TTN: variants seen among roughly 807,000 people sequenced by gnomAD.
TTN encodes the protein titin.
A neutral mutation model predicts 3,223.0 loss-of-function variants in TTN; 1,525 were observed. The ratio of observed to expected loss-of-function variants is 0.47; its 90% confidence interval spans 0.45 to 0.49. TTN has a LOEUF of 0.49. Ranked by LOEUF, TTN falls within the 20% of genes least tolerant of loss-of-function variation. TTN has a pLI of 0.00. For missense variants in TTN, 40,786 were observed against 43,424.0 expected (o/e 0.94, Z 5.40); for synonymous variants, 14,094 against 15,161.0 (o/e 0.93, Z 5.17).
intron 282 of TTN, 87 bp downstream of exon 282, chr2:178,603,789 G>A: frequency 5.4e-6 from 7 of 1,288,742 alleles, no homozygotes; most frequent in East Asian, 5.1e-5. Flanking sequence ...ATTTGGCATA[G>A]AAAAATATAA....
rs796298969 is a variant in TTN, at chr2:178,560,052, C to T, written c.86080G>A (p.Asp28694Asn). The T allele has an allele frequency of 4.3e-6, 7 of 1,613,668 alleles. No individual in the cohort carries two copies. Among genetic ancestry groups the T allele is most frequent in the African/African-American group, 4.0e-5 (3 of 75,026 alleles). ...ATGGAAGTTTTCCAGTCAGTGTCAT[C>T]AGATTTTTTGTATTCTACAGTATAT... ...TGYTVEYKKS[D>N]DTDWKTSIQS... is the part of the protein sequence containing the mutation. The change falls in exon 326 of 363, where the codon GAT (aspartate) becomes AAT (asparagine). Residue 28694 changes from aspartate (D) to asparagine (N), a missense_variant. Asp to Asn is a conservative substitution (Grantham distance 23, BLOSUM62 1). Transcript: ENST00000589042.
At chr2:178,647,569 A>C in intron 213 of TTN, 105 bp from the exon 214 acceptor site, 20 of 1,045,234 alleles carry the variant, frequency 1.9e-5, no homozygotes, top group Non-Finnish European at 2.7e-5. Flanking sequence ...CTTAGATTTC[A>C]TGGGGAAAAT....
intron 23 of TTN, 46 bp from the exon 24 acceptor site, chr2:178,779,164 G>A (rs368388354): frequency 1.4e-5 from 23 of 1,612,638 alleles, no homozygotes; most frequent in Non-Finnish European, 1.9e-5. Context: ...ACATCAAATA[G>A]TTATATTTTA....
chr2:178,554,573 T>A lies in TTN; in HGVS notation c.88774A>T (p.Ile29592Phe). ...TTGATAATTTTGGTGGTTGTAATGA[T>A]GCACTCTTCCAAATGTTCAGACACC... ...SMVSEHLEECIITTTKIIKGN... is the reference protein window; with the variant it reads ...SMVSEHLEECFITTTKIIKGN... The change falls in exon 332 of 363, where the codon ATC (isoleucine) becomes TTC (phenylalanine). Residue 29592 changes from isoleucine (I) to phenylalanine (F), a missense_variant. Coordinates refer to ENST00000589042, the MANE Select transcript of TTN (RefSeq NM_001267550.2). 1.2e-6 allele frequency: 2 copies of A among 1,613,906 alleles called. No individual in the cohort carries two copies. Among genetic ancestry groups the A allele is most frequent in the Non-Finnish European group, 1.7e-6 (2 of 1,179,848 alleles).
Position 178,681,709 on chromosome 2 carries a change from CAGGCTTTACAGGGAT to C in TTN, c.33109_33123del (p.Ile11037_Pro11041del), listed in dbSNP as rs2069449409. 3 of 1,602,744 alleles carry C rather than the reference CAGGCTTTACAGGGAT, an allele frequency of 1.9e-6. No individual in the cohort carries two copies. Among genetic ancestry groups the C allele is most frequent in the Non-Finnish European group, 2.5e-6 (3 of 1,177,108 alleles). On this transcript the variant is annotated inframe_deletion, in exon 136 of 363. Coordinates refer to ENST00000589042, the MANE Select transcript of TTN (RefSeq NM_001267550.2). Reference sequence around the variant, plus strand: ...TTTGTGGGAACTGGTTCTTCTGGGACAGGCTTTACAGGGATAGGCTTCTCTGGTTCTTTAAAAGTA... The same window carrying C: ...TTTGTGGGAACTGGTTCTTCTGGGACAGGCTTCTCTGGTTCTTTAAAAGTA...
At position 178,640,526 on chromosome 2, in the gene TTN, A is replaced by G; in HGVS notation, c.40723+15T>C. The G allele has an allele frequency of 1.3e-6, 2 of 1,596,776 alleles. No homozygotes were observed. Among genetic ancestry groups the G allele is most frequent in the Non-Finnish European group, 1.7e-6 (2 of 1,170,340 alleles). Reference sequence around the variant, plus strand: ...GCATTTTTAGAGACAACTAAGAATGACAGTAGATTTGTACCTTTTGTTGGT... The same window carrying G: ...GCATTTTTAGAGACAACTAAGAATGGCAGTAGATTTGTACCTTTTGTTGGT... On this transcript the variant is annotated intron_variant, in intron 221 of 362. Coordinates refer to ENST00000589042, the MANE Select transcript of TTN (RefSeq NM_001267550.2).
At chr2:178,785,106 G>T (rs2093072412) in intron 15 of TTN, among the ~76,000 whole-genome samples, 1 of 152,106 alleles carries the variant, frequency 6.6e-6, no homozygotes, top group Non-Finnish European at 1.5e-5. Context: ...AGAAGATAGG[G>T]CACTAATCCA....
Position 178,605,115 on chromosome 2 carries a change from AC to A in TTN, c.54061del (p.Val18021TyrfsTer64), listed in dbSNP as rs772712408. The A allele has an allele frequency of 6.2e-7, 1 of 1,612,630 alleles. No individual in the cohort carries two copies. The highest frequency in any genetic ancestry group is 1.7e-5 in the Admixed American group (1 of 59,930). On this transcript the variant is annotated frameshift_variant, in exon 280 of 363. Coordinates refer to ENST00000589042, the MANE Select transcript of TTN (RefSeq NM_001267550.2). LOFTEE classifies it high-confidence loss of function. ...TDALQITKEE[V>X]SRSEAKTELS... is the part of the protein sequence containing the mutation. ...CTCAGTTTTTGCCTCACTTCGGGAT[AC>A]CTCTTCCTTGGTTATCTGAAGTGCA...
intron 47 of TTN, chr2:178,751,462 T>C (rs1451615300): frequency 6.2e-6 from 10 of 1,613,290 alleles, no homozygotes; most frequent in Non-Finnish European, 8.5e-6. Flanking sequence ...GTTCCACATC[T>C]TGTTTTTTGT....
chr2:178,546,637 A>G lies in TTN; in HGVS notation c.94791T>C (p.Ser31597=), dbSNP rs1468005890. 6.2e-7 allele frequency: 1 copy of G among 1,613,362 alleles called. No homozygotes were observed. The highest frequency in any genetic ancestry group is 1.1e-5 in the South Asian group (1 of 91,060). The part of the protein sequence containing the change: ...KNAAGVISKG[S]ESTGPVTCRD... Reference sequence around the variant, plus strand: ...GGCAAGTGACAGGGCCTGTAGATTCAGACCCTTTGCTAATTACGCCTGCTG... The same window carrying G: ...GGCAAGTGACAGGGCCTGTAGATTCGGACCCTTTGCTAATTACGCCTGCTG... The change falls in exon 341 of 363, where the codon TCT becomes TCC. Residue 31597 remains serine, a synonymous_variant. Coordinates refer to ENST00000589042, the MANE Select transcript of TTN (RefSeq NM_001267550.2).
chr2:178,640,069 G>C lies in TTN; in HGVS notation c.40765C>G (p.Pro13589Ala). 1 of 1,612,206 alleles carries C rather than the reference G, an allele frequency of 6.2e-7. No individual in the cohort carries two copies. The highest frequency in any genetic ancestry group is 8.5e-7 in the Non-Finnish European group (1 of 1,178,752). ...TCACCTGCTTCGGGCTTTGGTTTCG[G>C]TTCAGGTGCAGGGAGAGGTATTGCT... is the stretch of plus-strand genomic sequence containing the variant. ...KPAIPLPAPE[P>A]KPKPEAEVKT... The change falls in exon 222 of 363, where the codon CCG becomes GCG. Residue 13589 changes from proline to alanine, a missense_variant. Pro to Ala is a conservative substitution (Grantham distance 27). Transcript: ENST00000589042.
chr2:178,706,734 T>G lies in TTN; in HGVS notation c.29140A>C (p.Thr9714Pro). The change falls in exon 102 of 363, where the codon ACT becomes CCT. Residue 9714 changes from threonine (T) to proline (P), a missense_variant. Coordinates refer to ENST00000589042, the MANE Select transcript of TTN (RefSeq NM_001267550.2). ...CCAACTTTTGCAATGAAGGTCGCAG[T>G]GGTTTCTAAGGAATAATGAAAACAA... ...PQSIRVVEKT[T>P]ATFIAKVGGD... 1 of 1,607,754 alleles carries G rather than the reference T, an allele frequency of 6.2e-7. No homozygotes were observed. The highest frequency in any genetic ancestry group is 8.5e-7 in the Non-Finnish European group (1 of 1,176,772).
rs1703451641 is a variant in TTN at position 178,561,026 on chromosome 2, A to T, written c.85106T>A (p.Val28369Asp). The T allele has an allele frequency of 1.2e-6, 2 of 1,613,752 alleles. No individual in the cohort carries two copies. Among genetic ancestry groups the T allele is most frequent in the Non-Finnish European group, 1.7e-6 (2 of 1,179,804 alleles). ...TATCTTAAGGACCTCTCCAGCTTTGACAACAATAACGTCTCGGAACTTGAC... is the reference window on the plus strand; with the variant it reads ...TATCTTAAGGACCTCTCCAGCTTTGTCAACAATAACGTCTCGGAACTTGAC... The part of the protein sequence containing the change: ...MDVKFRDVIV[V>D]KAGEVLKINA... The change falls in exon 326 of 363, where the codon GTC becomes GAC. Residue 28369 changes from valine to aspartate, a missense_variant. Val to Asp is a radical substitution (Grantham distance 152, BLOSUM62 -3). Coordinates refer to ENST00000589042, the MANE Select transcript of TTN (RefSeq NM_001267550.2).
chr2:178,683,737 G>A (rs1362028714), intron 133 of TTN, among the ~76,000 whole-genome samples: 1 of 151,960 alleles, frequency 6.6e-6, no homozygotes, highest in East Asian at 1.9e-4. Context: ...GATGAGTTTA[G>A]TATATGGAAA....
intron 217 of TTN, 158 bp downstream of exon 217, chr2:178,645,762 T>G: frequency 2.4e-6 from 1 of 421,198 alleles, no homozygotes; most frequent in South Asian, 6.5e-5. Context: ...CCAGGAACCA[T>G]GGGGCAGCAG....
rs1057523995 is a variant in TTN, at chr2:178,605,565, T to C, written c.53730A>G (p.Glu17910=). ...EKRRHDKPDF[E]RVNKRLCPTT... ...TTGGGCAGAGTCGCTTGTTAACTCT[T>C]TCAAAGTCAGGTTTGTCATGACGCC... The change falls in exon 279 of 363, where the codon GAA becomes GAG. Residue 17910 remains glutamate (E), a synonymous_variant. Coordinates refer to ENST00000589042, the MANE Select transcript of TTN (RefSeq NM_001267550.2). 6.2e-7 allele frequency: 1 copy of C among 1,612,320 alleles called. No individual in the cohort carries two copies. Among genetic ancestry groups the C allele is most frequent in the Non-Finnish European group, 8.5e-7 (1 of 1,178,824 alleles).
chr2:178,695,340 T>G lies in TTN; in HGVS notation c.31270+8A>C. On this transcript the variant is annotated splice_region_variant and intron_variant, in intron 115 of 362. Coordinates refer to ENST00000589042, the MANE Select transcript of TTN (RefSeq NM_001267550.2). ...CTCTAGTCTATTTAAATATTTCTAA[T>G]TACTTACCTTTAGGAGGTGGTGGTG... The G allele has an allele frequency of 6.2e-7, 1 of 1,608,320 alleles. No individual in the cohort carries two copies. Among genetic ancestry groups the G allele is most frequent in the Non-Finnish European group, 8.5e-7 (1 of 1,175,592 alleles).
Position 178,546,664 on chromosome 2 carries a change from A to G in TTN, c.94764T>C (p.Asn31588=), listed in dbSNP as rs1403181534. 6.2e-7 allele frequency: 1 copy of G among 1,613,670 alleles called. No homozygotes were observed. Among genetic ancestry groups the G allele is most frequent in the Non-Finnish European group, 8.5e-7 (1 of 1,179,742 alleles). ...DTYEFRVLAK[N]AAGVISKGSE... is the part of the protein sequence containing the mutation. The stretch of plus-strand genomic sequence containing the variant: ...ACCCTTTGCTAATTACGCCTGCTGC[A>G]TTCTTGGCTAACACACGGAACTCAT... Residue 31588 remains asparagine (N), a synonymous_variant, in exon 341 of 363, where the codon AAT becomes AAC. Transcript: ENST00000589042.
At chr2:178,750,587 C>T (rs538903834) in intron 47 of TTN, 32 of 1,612,250 alleles carry the variant, frequency 2.0e-5, no homozygotes, top group East Asian at 6.7e-5. Context: ...ACGTTGTGGG[C>T]GTTTTCGAAA....
Sources: allele counts gnomAD v4.1 joint callset (sites outside exome capture counted in the v4.1 genomes callset), GRCh38; gene constraint gnomAD v4.1.1; transcripts MANE v1.5; gene names NCBI Gene and HGNC (gene_info 2026-07-23, HGNC 2026-07-21).